Variants in MED13 observed in about 807,000 individuals in gnomAD.
MED13 encodes the protein mediator complex subunit 13.
In MED13, 23 loss-of-function variants were observed where a neutral mutation model predicts 225.2. That is an observed-to-expected ratio of 0.10 (90% confidence interval 0.07 to 0.14). The LOEUF (loss-of-function observed/expected upper bound fraction) is 0.14. MED13 is among the 10% of genes least tolerant of loss of function. MED13 has a pLI of 1.00. For missense variants in MED13, 2,197 were observed against 2,594.5 expected, an observed-to-expected ratio of 0.85 and a Z score of 3.33; for synonymous variants, 942 against 889.2, an observed-to-expected ratio of 1.06 and a Z score of -1.06.
At chr17:61,972,472 T>A (rs2080118368) in intron 17 of MED13, among the ~76,000 whole-genome samples, 3 of 152,024 alleles carry the variant, frequency 2.0e-5, no homozygotes, top group Admixed American at 2.0e-4. Context: ...CCTTTCTTCA[T>A]GTAAAATCTT....
At chr17:61,960,535 A>C (rs2079989588) in intron 23 of MED13, among the ~76,000 whole-genome samples, 1 of 152,204 alleles carries the variant, frequency 6.6e-6, no homozygotes, top group African/African-American at 2.4e-5. Context: ...ATGGTACATG[A>C]GAAAAGTTTA....
intron 3 of MED13, among the ~76,000 whole-genome samples, chr17:62,045,406 C>A (rs1187794328): frequency 6.6e-6 from 1 of 151,990 alleles, no homozygotes; most frequent in Non-Finnish European, 1.5e-5. Flanking sequence ...GCCTGTAGTC[C>A]CAGCTACTCT....
At chr17:62,022,536 T>C (rs1392826103) in intron 8 of MED13, among the ~76,000 whole-genome samples, 2 of 152,016 alleles carry the variant, frequency 1.3e-5, no homozygotes, top group Admixed American at 6.6e-5. Flanking sequence ...CTTGAACTCC[T>C]GGCCCCAAGC....
At position 62,031,475 on chromosome 17, in the gene MED13, T is replaced by C; in HGVS notation, c.978A>G (p.Thr326=). Residue 326 remains threonine (T), a synonymous_variant, in exon 6 of 30, where the codon ACA becomes ACG. Coordinates refer to ENST00000397786, the MANE Select transcript of MED13 (RefSeq NM_005121.3). The part of the protein sequence containing the change: ...RDPAMSSVTL[T]PPTSPEEVQT... ...GGACTTCCTCAGGAGACGTAGGTGG[T>C]GTAAGCGTAACCGAAGACATAGCAG... 6.2e-7 allele frequency: 1 copy of C among 1,612,926 alleles called. No individual in the cohort carries two copies. The highest frequency in any genetic ancestry group is 8.5e-7 in the Non-Finnish European group (1 of 1,179,430).
At chr17:62,048,462 T>C (rs112630310) in intron 3 of MED13, among the ~76,000 whole-genome samples, 47 of 139,690 alleles carry the variant, frequency 3.4e-4, no homozygotes, top group African/African-American at 1.2e-3. Flanking sequence ...AGTTCAAAGA[T>C]ATTAGAGCCT....
At chr17:62,003,229 C>CT (rs1447950408) in intron 9 of MED13, among the ~76,000 whole-genome samples, 1 of 152,132 alleles carries the variant, frequency 6.6e-6, no homozygotes, top group African/African-American at 2.4e-5. Flanking sequence ...AACATAGCAG[C>CT]TAAGCCTTTG....
chr17:61,960,803 C>A (rs2079991890), intron 23 of MED13, 64 bp downstream of exon 23: 2 of 1,185,170 alleles, frequency 1.7e-6, no homozygotes, highest in South Asian at 1.5e-5. Flanking sequence ...GTTTTCTATT[C>A]ATTAAAAATG....
chr17:61,991,441 G>A (rs771965460), intron 11 of MED13, among the ~76,000 whole-genome samples: 4 of 152,004 alleles, frequency 2.6e-5, no homozygotes, highest in Non-Finnish European at 5.9e-5. Flanking sequence ...CTGGGTTCAT[G>A]CGATTCTGCT....
intron 9 of MED13, chr17:62,004,352 G>A (rs1326019992): frequency 6.6e-6 from 1 of 152,160 alleles, no homozygotes; most frequent in Non-Finnish European, 1.5e-5. Context: ...ATGCTAAGAA[G>A]AAATTAAAAG....
chr17:61,979,476 A>C (rs561335853), intron 16 of MED13, among the ~76,000 whole-genome samples: 2 of 152,030 alleles, frequency 1.3e-5, no homozygotes, highest in Non-Finnish European at 2.9e-5. Flanking sequence ...CACCCAGCTA[A>C]TTTTTGTATT....
At chr17:61,996,320 C>T (rs1210385903) in intron 9 of MED13, among the ~76,000 whole-genome samples, 2 of 152,128 alleles carry the variant, frequency 1.3e-5, no homozygotes, top group Non-Finnish European at 2.9e-5. Flanking sequence ...CCTATTCTCT[C>T]GGGTTTACAA....
chr17:62,031,753 C>T lies in MED13; in HGVS notation c.815-115G>A, dbSNP rs547163035. The T allele has an allele frequency of 5.9e-5, 31 of 522,038 alleles. No homozygotes were observed. In the South Asian group the frequency reaches 2.4e-3, roughly 41 times the overall value. 32.3% of individuals were successfully genotyped at this position (522,038 alleles called of 1,614,324 possible). ...TATCACATTTATACAAATAAAAATA[C>T]ATTTTTATAAATATAAGCTTCTTTG... is the stretch of plus-strand genomic sequence containing the variant. On this transcript the variant is annotated intron_variant, in intron 5 of 29. Coordinates refer to ENST00000397786, the MANE Select transcript of MED13 (RefSeq NM_005121.3).
intron 9 of MED13, among the ~76,000 whole-genome samples, chr17:61,997,208 T>C (rs372277147): frequency 1.3e-5 from 2 of 152,170 alleles, no homozygotes; most frequent in African/African-American, 2.4e-5. Context: ...CGGGGCAAAG[T>C]AGGCCATCAA....
intron 3 of MED13, among the ~76,000 whole-genome samples, chr17:62,051,691 T>A (rs2080958558): frequency 1.3e-5 from 2 of 152,114 alleles, no homozygotes; most frequent in South Asian, 4.1e-4. Context: ...ATATATGACA[T>A]CAAAGACCTC....
intron 17 of MED13, among the ~76,000 whole-genome samples, chr17:61,970,575 G>C (rs145053036): frequency 1.0e-4 from 15 of 150,230 alleles, no homozygotes; most frequent in Non-Finnish European, 1.6e-4. Context: ...CCAGCTACTC[G>C]TGAGGCTGAT....
At chr17:61,967,297 C>G (rs1300358489) in intron 18 of MED13, among the ~76,000 whole-genome samples, 2 of 152,098 alleles carry the variant, frequency 1.3e-5, no homozygotes, top group African/African-American at 4.8e-5. Flanking sequence ...AACTATGGAA[C>G]TTTTTCTCTG....
chr17:61,972,688 T>C (rs780554284), intron 17 of MED13, 39 bp downstream of exon 17: 1 of 1,512,702 alleles, frequency 6.6e-7, no homozygotes. Context: ...TGAGGACTGA[T>C]ATAAAATTAG....
intron 7 of MED13, 72 bp from the exon 8 acceptor site, chr17:62,029,723 T>G: frequency 6.5e-7 from 1 of 1,528,896 alleles, no homozygotes. Context: ...AGCATTGAAA[T>G]TAATTTTAAA....
chr17:62,021,288 C>G (rs1282925915), intron 8 of MED13, among the ~76,000 whole-genome samples: 3 of 151,286 alleles, frequency 2.0e-5, no homozygotes, highest in African/African-American at 7.3e-5. Context: ...CCCCTCACCT[C>G]CCGGACGGGG....
Sources: allele counts gnomAD v4.1 joint callset (sites outside exome capture counted in the v4.1 genomes callset), GRCh38; gene constraint gnomAD v4.1.1; transcripts MANE v1.5; gene names NCBI Gene and HGNC (gene_info 2026-07-23, HGNC 2026-07-21).